ZZZ3: variants seen among roughly 807,000 people sequenced by gnomAD.
ZZZ3 encodes the protein zinc finger ZZ-type containing 3, also known as ZZ-type zinc finger-containing protein 3.
ZZZ3 carries 22 observed loss-of-function variants against 95.2 expected under a neutral mutation model. The ratio of observed to expected loss-of-function variants is 0.23; its 90% confidence interval spans 0.17 to 0.33. The LOEUF (loss-of-function observed/expected upper bound fraction) is 0.33. ZZZ3 is among the 10% of genes least tolerant of loss of function. The pLI is 1.00. For missense variants in ZZZ3, 885 were observed against 1,066.5 expected (o/e 0.83, Z 2.37); for synonymous variants, 335 against 358.9 (o/e 0.93, Z 0.75).
rs912975341 is a variant in ZZZ3 at position 77,576,088 on chromosome 1, T to G, written c.2311A>C (p.Thr771Pro). Residue 771 changes from threonine to proline, a missense_variant, in exon 12 of 15, where the codon ACT (threonine) becomes CCT (proline). Physicochemically the swap from Thr to Pro is conservative, Grantham distance 38. Transcript: ENST00000370801. ...DRSCFHSHMN[T>P]AVEDASDDES... ...CTTACTGATGCATCTTCAACAGCAGTGTTCATGTGGCTATGAAAACAAGAT... is the reference window on the plus strand; with the variant it reads ...CTTACTGATGCATCTTCAACAGCAGGGTTCATGTGGCTATGAAAACAAGAT... 2 of 1,610,240 alleles carry G rather than the reference T, an allele frequency of 1.2e-6. No homozygotes were observed. The highest frequency in any genetic ancestry group is 1.3e-5 in the African/African-American group (1 of 74,746).
intron 5 of ZZZ3, among the ~76,000 whole-genome samples, chr1:77,602,602 A>AT (rs33915566): frequency 0.1 from 12,332 of 117,880 alleles, 1,550 homozygotes; most frequent in African/African-American, 0.25. Context: ...ATTTTTACTG[A>AT]TTTTTTTTTT....
chr1:77,581,141 G>A (rs1174257383), intron 8 of ZZZ3, 72 bp from the exon 9 acceptor site: 14 of 1,131,900 alleles, frequency 1.2e-5, no homozygotes, highest in Admixed American at 8.3e-5. Flanking sequence ...CAAATAACAC[G>A]CAAATTGTGG....
chr1:77,566,509 G>A (rs1557682418), intron 13 of ZZZ3, among the ~76,000 whole-genome samples: 1 of 152,142 alleles, frequency 6.6e-6, no homozygotes, highest in Non-Finnish European at 1.5e-5. Context: ...TACTTGAAAG[G>A]TACCTCAGAC....
intron 5 of ZZZ3, among the ~76,000 whole-genome samples, chr1:77,612,446 A>G (rs891935485): frequency 6.6e-6 from 1 of 152,032 alleles, no homozygotes; most frequent in African/African-American, 2.4e-5. Context: ...CTGGGCATTT[A>G]CCCAAAGGAG....
chr1:77,579,120 T>C (rs776402312), intron 10 of ZZZ3, among the ~76,000 whole-genome samples: 29 of 152,172 alleles, frequency 1.9e-4, no homozygotes, highest in Non-Finnish European at 3.8e-4. Flanking sequence ...AACACTTACA[T>C]TTGTAGTATA....
intron 5 of ZZZ3, among the ~76,000 whole-genome samples, chr1:77,617,651 T>C (rs144198338): frequency 1.4e-3 from 207 of 151,992 alleles, no homozygotes; most frequent in African/African-American, 4.8e-3. Flanking sequence ...AAAAGTGGAA[T>C]TGCTGAGCCA....
chr1:77,619,706 C>T (rs1379297984), intron 5 of ZZZ3, among the ~76,000 whole-genome samples: 1 of 151,854 alleles, frequency 6.6e-6, no homozygotes, highest in Admixed American at 6.6e-5. Context: ...ATGATTTTAC[C>T]ACTAGGTAAC....
Position 77,568,355 on chromosome 1 carries a change from A to G in ZZZ3, c.2443T>C (p.Phe815Leu). The G allele has an allele frequency of 6.3e-7, 1 of 1,592,562 alleles. No individual in the cohort carries two copies. The change falls in exon 13 of 15, where the codon TTT becomes CTT. Residue 815 changes from phenylalanine (F) to leucine (L), a missense_variant. By Grantham distance (22) the Phe-to-Leu change is conservative (BLOSUM62 0). This residue lies in a region of ZZZ3 where 221 missense variants were observed against 247.8 expected (regional missense o/e 0.89). Coordinates refer to ENST00000370801, the MANE Select transcript of ZZZ3 (RefSeq NM_015534.6). ...ACCTTAAAGCCCACATGTTGCACAAATCCACTTTCAGCTTGCATTTGCTGA... is the reference window on the plus strand; with the variant it reads ...ACCTTAAAGCCCACATGTTGCACAAGTCCACTTTCAGCTTGCATTTGCTGA... ...KLQQMQAESG[F>L]VQHVGFKCDN... is the part of the protein sequence containing the mutation.
chr1:77,659,813 AGTT>A (rs1420498660), intron 1 of ZZZ3, among the ~76,000 whole-genome samples: 1 of 150,330 alleles, frequency 6.7e-6, no homozygotes, highest in Non-Finnish European at 1.5e-5. Flanking sequence ...GGCAGAGCTC[AGTT>A]GTTGTGGTTT....
At chr1:77,620,572 G>A (rs1666761688) in intron 5 of ZZZ3, among the ~76,000 whole-genome samples, 1 of 151,818 alleles carries the variant, frequency 6.6e-6, no homozygotes, top group African/African-American at 2.4e-5. Flanking sequence ...AGGAGAGGAA[G>A]GTGTAGTAAA....
chr1:77,652,567 A>G (rs1338871878), intron 1 of ZZZ3, among the ~76,000 whole-genome samples: 10 of 152,248 alleles, frequency 6.6e-5, no homozygotes, highest in Admixed American at 6.5e-4. Context: ...TACAATTACC[A>G]TATGACCCAG....
chr1:77,603,268 A>G (rs1664916872), intron 5 of ZZZ3, among the ~76,000 whole-genome samples: 1 of 152,116 alleles, frequency 6.6e-6, no homozygotes, highest in Non-Finnish European at 1.5e-5. Flanking sequence ...CTGTAGAGTC[A>G]GGGTTTTACC....
rs1405873329 is a variant in ZZZ3, at chr1:77,607,638, A to G, written c.1506-22983T>C. Among the ~76,000 whole-genome samples, 6 of 152,248 alleles carry G rather than the reference A, an allele frequency of 3.9e-5. 1 individual carries two copies. The East Asian group carries it at 1.2e-3, about 29-fold the overall frequency. ...TAAGACAGGCTATTTGAAAATACAG[A>G]GAGGAGGCCGGGCACAGTGGCTCAC... On this transcript the variant is annotated intron_variant, in intron 5 of 14. Coordinates refer to ENST00000370801, the MANE Select transcript of ZZZ3 (RefSeq NM_015534.6).
rs1196645872 is a variant in ZZZ3, at chr1:77,563,025, G to C, written c.*2615C>G. On this transcript the variant is annotated 3_prime_UTR_variant, in exon 15 of 15. Transcript: ENST00000370801. ...TGACCCTGCCTCATAGAGTTGTTAA[G>C]AATTAGTTATCATATGCTTGCTTGG... 2 of 152,170 alleles carry C rather than the reference G, an allele frequency of 1.3e-5. No individual in the cohort carries two copies. The highest frequency in any genetic ancestry group is 2.4e-5 in the African/African-American group (1 of 41,438). The allele number at this position is 152,170 out of a possible 1,614,324, so 9.4% of individuals were successfully genotyped here.
At chr1:77,674,106 AG>A (rs1307146023) in intron 1 of ZZZ3, among the ~76,000 whole-genome samples, 1 of 152,078 alleles carries the variant, frequency 6.6e-6, no homozygotes, top group African/African-American at 2.4e-5. Context: ...AACACAAAAA[AG>A]GTCATTAAAA....
At chr1:77,624,804 C>G (rs1195798924) in intron 5 of ZZZ3, among the ~76,000 whole-genome samples, 1 of 152,140 alleles carries the variant, frequency 6.6e-6, no homozygotes, top group African/African-American at 2.4e-5. Flanking sequence ...ACCTGAGGAC[C>G]TACCATTTGT....
intron 5 of ZZZ3, among the ~76,000 whole-genome samples, chr1:77,601,383 T>G (rs574965093): frequency 6.6e-6 from 1 of 152,090 alleles, no homozygotes; most frequent in East Asian, 1.9e-4. Context: ...AAGTGAAAGA[T>G]GAACAAAACA....
Position 77,564,121 on chromosome 1 carries a change from G to A in ZZZ3, c.*1519C>T, listed in dbSNP as rs549915357. 8.6e-5 allele frequency: 13 copies of A among 152,014 alleles called. No homozygotes were observed. The South Asian group carries it at 2.7e-3, about 32-fold the overall frequency. 9.4% of individuals were successfully genotyped at this position (152,014 alleles called of 1,614,324 possible). A position where few individuals can be genotyped will look rare whatever the true frequency, so the allele number is the denominator to read the frequency against. On this transcript the variant is annotated 3_prime_UTR_variant, in exon 15 of 15. Transcript: ENST00000370801. ...TTAATAGTAATTTCCAGGAAACAAG[G>A]TGATTTTTCAAAAGCCATCTGTTTA...
At chr1:77,608,902 C>G (rs1665506977) in intron 5 of ZZZ3, among the ~76,000 whole-genome samples, 2 of 151,606 alleles carry the variant, frequency 1.3e-5, no homozygotes, top group Admixed American at 1.3e-4. Context: ...AACACATACA[C>G]AAAAAATAAA....
Sources: allele counts gnomAD v4.1 joint callset (sites outside exome capture counted in the v4.1 genomes callset), GRCh38; gene constraint gnomAD v4.1.1; regional missense constraint gnomAD v4.1.1; transcripts MANE v1.5; gene names NCBI Gene and HGNC (gene_info 2026-07-23, HGNC 2026-07-21).